SH3GL3: variants seen among roughly 807,000 people sequenced by gnomAD.
SH3GL3 encodes SH3 domain containing GRB2 like 3, endophilin A3.
In SH3GL3, 33 loss-of-function variants were observed where a neutral mutation model predicts 47.7. The observed-to-expected ratio is 0.69, with a 90% CI of 0.52 to 0.92. SH3GL3 has a LOEUF of 0.92. SH3GL3 is among the 40% of genes least tolerant of loss of function. SH3GL3 has a pLI of 0.00. For missense variants in SH3GL3, 363 were observed against 417.8 expected (o/e 0.87, Z 1.14); for synonymous variants, 155 against 148.8 (o/e 1.04, Z -0.30).
chr15:83,535,969 C>T (rs915055666), intron 1 of SH3GL3, among the ~76,000 whole-genome samples: 9 of 152,272 alleles, frequency 5.9e-5, no homozygotes, highest in African/African-American at 2.2e-4. Flanking sequence ...AGAAGTTCTG[C>T]CTGATATGAT....
At chr15:83,475,729 A>T (rs1168955802) in intron 1 of SH3GL3, among the ~76,000 whole-genome samples, 3 of 152,326 alleles carry the variant, frequency 2.0e-5, no homozygotes, top group Middle Eastern at 3.4e-3. Context: ...GAATGCTTGC[A>T]TTCTTTTCTC....
chr15:83,552,540 G>A (rs761316609), intron 1 of SH3GL3, among the ~76,000 whole-genome samples: 1 of 152,104 alleles, frequency 6.6e-6, no homozygotes, highest in African/African-American at 2.4e-5. Flanking sequence ...ACTTTGTTAC[G>A]TAGTATTAGG....
At chr15:83,481,949 C>G (rs1202521121) in intron 1 of SH3GL3, among the ~76,000 whole-genome samples, 1 of 152,118 alleles carries the variant, frequency 6.6e-6, no homozygotes, top group East Asian at 1.9e-4. Context: ...GAAGATGGCA[C>G]TAAAGAGGGG....
Position 83,514,698 on chromosome 15 carries a change from A to G in SH3GL3, c.46-44555A>G, listed in dbSNP as rs2042909101. Among the ~76,000 whole-genome samples, 3 of 152,302 alleles carry G rather than the reference A, an allele frequency of 2.0e-5. No individual in the cohort carries two copies. In the South Asian group the frequency reaches 6.2e-4, roughly 32 times the overall value. On this transcript the variant is annotated intron_variant, in intron 1 of 8. Coordinates refer to ENST00000427482, the MANE Select transcript of SH3GL3 (RefSeq NM_003027.5). ...ATAGGCATAAATGGTAGTGCTTGGC[A>G]GTTTAGGATCCATTCACACAGAAAC...
At chr15:83,514,927 C>A (rs1305985580) in intron 1 of SH3GL3, among the ~76,000 whole-genome samples, 2 of 151,936 alleles carry the variant, frequency 1.3e-5, no homozygotes, top group Non-Finnish European at 2.9e-5. Flanking sequence ...GAAGGCAATG[C>A]GAGGATGGAA....
chr15:83,466,386 G>A (rs9920377), intron 1 of SH3GL3, among the ~76,000 whole-genome samples: 137,565 of 151,938 alleles, frequency 0.91, 62,511 homozygotes, highest in African/African-American at 0.95. Context: ...TTTCTCTGGC[G>A]TAAATGTCCA....
At chr15:83,537,966 G>A (rs1171406402) in intron 1 of SH3GL3, among the ~76,000 whole-genome samples, 1 of 152,092 alleles carries the variant, frequency 6.6e-6, no homozygotes, top group African/African-American at 2.4e-5. Context: ...CCGCCATCTT[G>A]ATTCAATTTC....
intron 1 of SH3GL3, among the ~76,000 whole-genome samples, chr15:83,461,087 A>C (rs188555679): frequency 2.0e-5 from 3 of 152,286 alleles, no homozygotes; most frequent in Non-Finnish European, 4.4e-5. Context: ...CATCTCAAAA[A>C]AAAAAAAAAG....
intron 1 of SH3GL3, among the ~76,000 whole-genome samples, chr15:83,502,642 C>A (rs1296546226): frequency 6.6e-6 from 1 of 152,140 alleles, no homozygotes; most frequent in Non-Finnish European, 1.5e-5. Flanking sequence ...ACTGTAGCCT[C>A]GACCTTCTGG....
chr15:83,534,602 A>C, intron 1 of SH3GL3, among the ~76,000 whole-genome samples: 1 of 152,332 alleles, frequency 6.6e-6, no homozygotes, highest in East Asian at 1.9e-4. Context: ...TTTTATAAGA[A>C]AAATGAATAA....
At chr15:83,576,456 G>A (rs1411629981) in intron 5 of SH3GL3, 127 bp from the exon 6 acceptor site, 1 of 755,234 alleles carries the variant, frequency 1.3e-6, no homozygotes, top group Non-Finnish European at 2.1e-6. Context: ...CAACAGCAGT[G>A]TAAGGTGGGT....
chr15:83,586,999 A>G lies in SH3GL3; in HGVS notation c.641A>G (p.Gln214Arg), dbSNP rs1188971749. The part of the protein sequence containing the change: ...FLENDVEQVS[Q>R]LAVFIEAALD... ...CTGCTGCAGGTAGAACAAGTCAGCC[A>G]GTTGGCTGTGTTCATAGAGGCAGCA... Residue 214 changes from glutamine (Q) to arginine (R), a missense_variant, in exon 7 of 9, where the codon CAG (glutamine) becomes CGG (arginine). By Grantham distance (43) the Gln-to-Arg change is conservative (BLOSUM62 1). Coordinates refer to ENST00000427482, the MANE Select transcript of SH3GL3 (RefSeq NM_003027.5). The G allele has an allele frequency of 6.2e-7, 1 of 1,605,914 alleles. No individual in the cohort carries two copies.
chr15:83,460,672 A>G (rs1167323100), intron 1 of SH3GL3, among the ~76,000 whole-genome samples: 2 of 152,202 alleles, frequency 1.3e-5, no homozygotes, highest in African/African-American at 2.4e-5. Context: ...GTTCATCTTT[A>G]AAAAATTATA....
chr15:83,480,979 A>G (rs2041323255), intron 1 of SH3GL3, among the ~76,000 whole-genome samples: 1 of 152,100 alleles, frequency 6.6e-6, no homozygotes, highest in African/African-American at 2.4e-5. Flanking sequence ...TTTTGGATTA[A>G]GAGAAATAAT....
chr15:83,536,139 A>G (rs749169932), intron 1 of SH3GL3, among the ~76,000 whole-genome samples: 3 of 152,216 alleles, frequency 2.0e-5, no homozygotes, highest in Non-Finnish European at 2.9e-5. Flanking sequence ...CAGCCCCTGT[A>G]CATATTGGGA....
chr15:83,480,479 AC>A (rs2041299209), intron 1 of SH3GL3, among the ~76,000 whole-genome samples: 2 of 152,172 alleles, frequency 1.3e-5, no homozygotes, highest in Non-Finnish European at 1.5e-5. Context: ...CACAGTTGTT[AC>A]CTTGTGGGGC....
intron 5 of SH3GL3, among the ~76,000 whole-genome samples, chr15:83,574,005 G>A (rs1281447461): frequency 6.6e-6 from 1 of 152,206 alleles, no homozygotes; most frequent in Non-Finnish European, 1.5e-5. Context: ...CTCAGAGGAG[G>A]AGAAGCTGGC....
At chr15:83,541,883 G>A (rs966046563) in intron 1 of SH3GL3, among the ~76,000 whole-genome samples, 4 of 152,298 alleles carry the variant, frequency 2.6e-5, no homozygotes, top group Admixed American at 2.6e-4. Context: ...CAGATGGATA[G>A]TTTGTAAATA....
At chr15:83,479,995 A>T (rs1426212667) in intron 1 of SH3GL3, among the ~76,000 whole-genome samples, 1 of 152,204 alleles carries the variant, frequency 6.6e-6, no homozygotes, top group Non-Finnish European at 1.5e-5. Context: ...AACTTTTATT[A>T]TTTTGTGATT....
Sources: allele counts gnomAD v4.1 joint callset (sites outside exome capture counted in the v4.1 genomes callset), GRCh38; gene constraint gnomAD v4.1.1; transcripts MANE v1.5; gene names NCBI Gene and HGNC (gene_info 2026-07-23, HGNC 2026-07-21).